SLC45A2: variants seen among roughly 807,000 people sequenced by gnomAD.
SLC45A2 encodes membrane-associated transporter protein.
SLC45A2 carries 36 observed loss-of-function variants against 45.5 expected under a neutral mutation model. The observed-to-expected ratio is 0.79, with a 90% confidence interval of 0.61 to 1.04. The LOEUF (loss-of-function observed/expected upper bound fraction) is 1.04, where lower values mean the gene tolerates loss of function less well. SLC45A2 is among the 50% of genes least tolerant of loss of function. The pLI is 0.00. For synonymous variants in SLC45A2, 306 were observed against 269.3 expected (o/e 1.14, Z -1.33); for missense variants, 719 against 671.0 (o/e 1.07, Z -0.79).
rs1751911235 is a variant in SLC45A2, at chr5:33,945,968, G to A, written c.1369-1096C>T. ...CTGGAGGGAGATAGTAAATGGTAAA[G>A]GGAGCACACAGTGTGCACTTTTGTG... On this transcript the variant is annotated intron_variant, in intron 6 of 6. Transcript: ENST00000296589. 6.1e-6 allele frequency: 6 copies of A among 985,382 alleles called. No individual in the cohort carries two copies. In the South Asian group the frequency reaches 2.8e-4, roughly 46 times the overall value. 61.0% of individuals were successfully genotyped at this position (985,382 alleles called of 1,614,324 possible). A position where few individuals can be genotyped will look rare whatever the true frequency, so the allele number is the denominator to read the frequency against.
chr5:33,978,646 C>T (rs1310966825), intron 2 of SLC45A2, among the ~76,000 whole-genome samples: 2 of 152,182 alleles, frequency 1.3e-5, no homozygotes, highest in Admixed American at 6.5e-5. Context: ...CTACCTATAA[C>T]CTGTGAGCCC....
rs750282272 is a variant in SLC45A2, at chr5:33,951,584, T to A, written c.1126A>T (p.Ile376Phe). 1 of 1,613,996 alleles carries A rather than the reference T, an allele frequency of 6.2e-7. No homozygotes were observed. The highest frequency in any genetic ancestry group is 2.2e-5 in the East Asian group (1 of 44,894). The change falls in exon 5 of 7, where the codon ATC (isoleucine) becomes TTC (phenylalanine). Residue 376 changes from isoleucine to phenylalanine, a missense_variant. Ile to Phe is a conservative substitution (Grantham distance 21). Transcript: ENST00000296589. The part of the protein sequence containing the change: ...GVEVGCWGLC[I>F]NSVFSSLYSY... ...TAAAGTGAGGAAAACACGGAGTTGATGCACAAGCCCCAACATCCAACCTCG... is the reference window on the plus strand; with the variant it reads ...TAAAGTGAGGAAAACACGGAGTTGAAGCACAAGCCCCAACATCCAACCTCG...
intron 3 of SLC45A2, among the ~76,000 whole-genome samples, chr5:33,958,901 G>A (rs1579543378): frequency 2.0e-5 from 3 of 152,268 alleles, no homozygotes; most frequent in South Asian, 2.1e-4. Flanking sequence ...TCTTGGAGGG[G>A]GAGTCCCAGT....
At chr5:33,956,219 C>A (rs1752272088) in intron 3 of SLC45A2, among the ~76,000 whole-genome samples, 1 of 151,988 alleles carries the variant, frequency 6.6e-6, no homozygotes. Flanking sequence ...CAATGGGTAC[C>A]AAAAGTATTG....
At chr5:33,953,494 T>C (rs1204754263) in intron 4 of SLC45A2, among the ~76,000 whole-genome samples, 1 of 152,000 alleles carries the variant, frequency 6.6e-6, no homozygotes, top group Non-Finnish European at 1.5e-5. Flanking sequence ...AAATGTCTTC[T>C]TTTGAGAAGT....
chr5:33,957,605 C>T (rs560326137), intron 3 of SLC45A2, among the ~76,000 whole-genome samples: 9 of 152,160 alleles, frequency 5.9e-5, no homozygotes, highest in African/African-American at 1.9e-4. Context: ...ATGATTATAA[C>T]CAAAATGAAG....
chr5:33,954,123 AC>A (rs1228148216), intron 4 of SLC45A2, among the ~76,000 whole-genome samples: 1 of 152,006 alleles, frequency 6.6e-6, no homozygotes, highest in African/African-American at 2.4e-5. Flanking sequence ...AGACTTTAAC[AC>A]CCCACTGTCA....
chr5:33,959,368 C>T (rs1391962751), intron 3 of SLC45A2, among the ~76,000 whole-genome samples: 1 of 152,140 alleles, frequency 6.6e-6, no homozygotes, highest in East Asian at 1.9e-4. Context: ...GCACAGAGGG[C>T]TCCAGTCCAA....
chr5:33,984,368 A>T lies in SLC45A2; in HGVS notation c.216T>A (p.Ile72=), dbSNP rs1299175551. The change falls in exon 1 of 7, where the codon ATT becomes ATA. Residue 72 remains isoleucine, a synonymous_variant. Coordinates refer to ENST00000296589, the MANE Select transcript of SLC45A2 (RefSeq NM_016180.5). ...CCAGGATGGGGCTGAGGAACCACACAATGCTGTACAGGCTGCTGGGCAGAC... is the reference window on the plus strand; with the variant it reads ...CCAGGATGGGGCTGAGGAACCACACTATGCTGTACAGGCTGCTGGGCAGAC... ...SVGLPSSLYS[I]VWFLSPILGF... 2 of 1,613,966 alleles carry T rather than the reference A, an allele frequency of 1.2e-6. No homozygotes were observed. Among genetic ancestry groups the T allele is most frequent in the Non-Finnish European group, 1.7e-6 (2 of 1,179,930 alleles).
In SLC45A2 at chr5:33,944,686, A is replaced by C; in HGVS notation, c.1555T>G (p.Cys519Gly). ...CTAACAAAGAGAGCGACAAAGCAACAGCCTATCAGTGCCACCGCAGACGCT... is the reference window on the plus strand; with the variant it reads ...CTAACAAAGAGAGCGACAAAGCAACCGCCTATCAGTGCCACCGCAGACGCT... ...ITASAVALIGCCFVALFVRYV... is the reference protein window; with the variant it reads ...ITASAVALIGGCFVALFVRYV... The change falls in exon 7 of 7, where the codon TGT becomes GGT. Residue 519 changes from cysteine to glycine, a missense_variant. Cys to Gly is a radical substitution (Grantham distance 159). Transcript: ENST00000296589. 1.9e-6 allele frequency: 3 copies of C among 1,614,220 alleles called. No individual in the cohort carries two copies. Among genetic ancestry groups the C allele is most frequent in the Non-Finnish European group, 2.5e-6 (3 of 1,180,030 alleles).
At chr5:33,967,926 TA>T (rs1258302618) in intron 2 of SLC45A2, among the ~76,000 whole-genome samples, 1 of 151,294 alleles carries the variant, frequency 6.6e-6, no homozygotes, top group African/African-American at 2.4e-5. Flanking sequence ...ATCTATAACT[TA>T]GAGAATTATT....
chr5:33,945,387 G>A (rs1751888113), intron 6 of SLC45A2, among the ~76,000 whole-genome samples: 1 of 152,198 alleles, frequency 6.6e-6, no homozygotes, highest in Non-Finnish European at 1.5e-5. Context: ...AATTGCTGAT[G>A]TCCTTAAGAG....
chr5:33,963,799 C>A lies in SLC45A2; in HGVS notation c.780G>T (p.Leu260Phe). 6.2e-7 allele frequency: 1 copy of A among 1,614,126 alleles called. No individual in the cohort carries two copies. Among genetic ancestry groups the A allele is most frequent in the Non-Finnish European group, 8.5e-7 (1 of 1,180,024 alleles). Residue 260 changes from leucine (L) to phenylalanine (F), a missense_variant, in exon 3 of 7, where the codon TTG becomes TTT. By Grantham distance (22) the Leu-to-Phe change is conservative (BLOSUM62 0). Coordinates refer to ENST00000296589, the MANE Select transcript of SLC45A2 (RefSeq NM_016180.5). ...PPQQTPQDPP[L>F]SSDGMYEYGS... ...CATACTCGTACATTCCATCTGATGACAATGGAGGGTCCTGAGGGGTTTGCT... is the reference window on the plus strand; with the variant it reads ...CATACTCGTACATTCCATCTGATGAAAATGGAGGGTCCTGAGGGGTTTGCT...
intron 2 of SLC45A2, among the ~76,000 whole-genome samples, chr5:33,966,323 T>C (rs1752600624): frequency 6.6e-6 from 1 of 151,930 alleles, no homozygotes; most frequent in Admixed American, 6.6e-5. Flanking sequence ...TAAATGACTC[T>C]ACAAACTTCT....
At chr5:33,978,691 C>A (rs1752996678) in intron 2 of SLC45A2, among the ~76,000 whole-genome samples, 1 of 152,182 alleles carries the variant, frequency 6.6e-6, no homozygotes. Context: ...CTGGGCCGAA[C>A]CAATGTATTC....
intron 5 of SLC45A2, among the ~76,000 whole-genome samples, chr5:33,948,628 C>G (rs1752007792): frequency 6.6e-6 from 1 of 152,206 alleles, no homozygotes; most frequent in Non-Finnish European, 1.5e-5. Context: ...ATTGCTTCCT[C>G]TATTAAACTT....
chr5:33,946,417 T>C (rs1751929189), intron 6 of SLC45A2: 1 of 985,494 alleles, frequency 1.0e-6, no homozygotes, highest in Admixed American at 6.1e-5. Context: ...GTTATCTCTG[T>C]AGCTTTTATA....
chr5:33,959,598 A>C (rs969936610), intron 3 of SLC45A2, among the ~76,000 whole-genome samples: 1 of 152,056 alleles, frequency 6.6e-6, no homozygotes, highest in South Asian at 2.1e-4. Context: ...AAAACACTGC[A>C]CTCATCCTAA....
chr5:33,972,266 G>A (rs1266822371), intron 2 of SLC45A2: 1 of 503,706 alleles, frequency 2.0e-6, no homozygotes, highest in Non-Finnish European at 4.0e-6. Flanking sequence ...TCAAATGGAT[G>A]GATTTGATAC....
Sources: allele counts gnomAD v4.1 joint callset (sites outside exome capture counted in the v4.1 genomes callset), GRCh38; gene constraint gnomAD v4.1.1; transcripts MANE v1.5; gene names NCBI Gene and HGNC (gene_info 2026-07-23, HGNC 2026-07-21).